ZFHX3: variants seen among roughly 807,000 people sequenced by gnomAD.
The protein encoded by ZFHX3 is zinc finger homeobox 3, also known as zinc finger homeobox protein 3.
In ZFHX3, 42 loss-of-function variants were observed where a neutral mutation model predicts 279.1. The ratio of observed to expected loss-of-function variants is 0.15; its 90% CI spans 0.12 to 0.19. The LOEUF (loss-of-function observed/expected upper bound fraction) is 0.19. ZFHX3 is among the 10% of genes least tolerant of loss of function. The probability of loss-of-function intolerance (pLI) is 1.00; values close to 1 mark genes in which losing one functional copy is unlikely to be tolerated. For synonymous variants in ZFHX3, 2,293 were observed against 1,957.8 expected (o/e 1.17, Z -4.52); for missense variants, 4,981 against 4,754.0 (o/e 1.05, Z -1.40).
intron 2 of ZFHX3, among the ~76,000 whole-genome samples, chr16:73,677,475 A>C (rs2052966426): frequency 6.6e-6 from 1 of 151,908 alleles, no homozygotes; most frequent in African/African-American, 2.4e-5. Flanking sequence ...TGCAACTTTA[A>C]AAGCTAGTAG....
intron 1 of ZFHX3, among the ~76,000 whole-genome samples, chr16:73,691,221 C>T (rs1264452682): frequency 6.6e-6 from 1 of 152,154 alleles, no homozygotes; most frequent in Admixed American, 6.5e-5. Flanking sequence ...TTATTTTCTA[C>T]CATTTTCTAG....
intron 5 of ZFHX3, among the ~76,000 whole-genome samples, chr16:73,159,098 G>T (rs1353107106): frequency 6.6e-6 from 1 of 152,148 alleles, no homozygotes; most frequent in Non-Finnish European, 1.5e-5. Flanking sequence ...TTGAACTAAA[G>T]AGCATCTGCA....
intron 8 of ZFHX3, among the ~76,000 whole-genome samples, chr16:73,089,881 G>A (rs181857099): frequency 7.2e-5 from 11 of 152,204 alleles, no homozygotes; most frequent in Non-Finnish European, 1.5e-4. Context: ...AACCGAAGCT[G>A]TGCTTGCTTT....
chr16:73,509,783 C>T (rs1192272300), intron 2 of ZFHX3, among the ~76,000 whole-genome samples: 1 of 148,452 alleles, frequency 6.7e-6, no homozygotes, highest in African/African-American at 2.6e-5. Flanking sequence ...GCAACCTCCA[C>T]CCCCGGGGTT....
At chr16:73,034,774 TCA>T (rs1309982005) in intron 1 of ZFHX3, among the ~76,000 whole-genome samples, 1 of 152,212 alleles carries the variant, frequency 6.6e-6, no homozygotes, top group Admixed American at 6.5e-5. Context: ...GGGAAGGTTT[TCA>T]CAGTCAGGTG....
At position 73,375,010 on chromosome 16, in the gene ZFHX3, G is replaced by A. The variant is rs550479037; in HGVS notation, c.-1290-56674C>T. On this transcript the variant is annotated intron_variant, in intron 3 of 17. Transcript: ENST00000641206. Reference sequence around the variant, plus strand: ...TTATTTATAATAATTGCTTACATCCGTTAATTCTTTAAGGTTCACAAAATG... The same window carrying A: ...TTATTTATAATAATTGCTTACATCCATTAATTCTTTAAGGTTCACAAAATG... 4.3e-4 allele frequency among the ~76,000 whole-genome samples: 65 copies of A among 152,232 alleles called. 1 individual carries two copies. The highest frequency in any genetic ancestry group is 5.2e-4 in the Admixed American group (8 of 15,290).
chr16:73,485,181 C>G (rs8051981), intron 2 of ZFHX3, among the ~76,000 whole-genome samples: 1 of 151,610 alleles, frequency 6.6e-6, no homozygotes, highest in Non-Finnish European at 1.5e-5. Context: ...TAAGAGGAAA[C>G]GGCAACTTGC....
intron 2 of ZFHX3, chr16:73,558,159 T>C (rs531693997): frequency 5.3e-5 from 8 of 152,326 alleles, no homozygotes; most frequent in African/African-American, 1.9e-4. Flanking sequence ...AGTGAAATAA[T>C]AGAGTGCAAA....
At chr16:73,408,414 G>A (rs1382522085) in intron 3 of ZFHX3, among the ~76,000 whole-genome samples, 1 of 152,138 alleles carries the variant, frequency 6.6e-6, no homozygotes, top group Non-Finnish European at 1.5e-5. Flanking sequence ...GCCAATAACT[G>A]TAACCAGCAG....
At chr16:73,067,833 T>A (rs1965774138) in intron 8 of ZFHX3, among the ~76,000 whole-genome samples, 1 of 151,792 alleles carries the variant, frequency 6.6e-6, no homozygotes, top group Non-Finnish European at 1.5e-5. Flanking sequence ...GTGGAAAGCT[T>A]CCCCCAAAGG....
intron 2 of ZFHX3, among the ~76,000 whole-genome samples, chr16:73,652,594 T>G (rs1441176902): frequency 6.6e-6 from 1 of 152,156 alleles, no homozygotes; most frequent in Admixed American, 6.5e-5. Flanking sequence ...TTAGTGACAA[T>G]TCTTGGAAAG....
intron 3 of ZFHX3, among the ~76,000 whole-genome samples, chr16:73,337,889 T>TGG (rs1555510877): frequency 6.5e-5 from 2 of 30,676 alleles, no homozygotes; most frequent in Non-Finnish European, 1.8e-4. Context: ...CATCTTCCCT[T>TGG]GGCGGGGGGG....
chr16:73,262,351 G>A (rs1458636792), intron 4 of ZFHX3, among the ~76,000 whole-genome samples: 1 of 152,192 alleles, frequency 6.6e-6, no homozygotes, highest in Non-Finnish European at 1.5e-5. Context: ...CATAAGAATT[G>A]TGATACTCCA....
chr16:73,330,128 A>G (rs2015772028), intron 3 of ZFHX3, among the ~76,000 whole-genome samples: 2 of 152,100 alleles, frequency 1.3e-5, no homozygotes, highest in Admixed American at 1.3e-4. Flanking sequence ...AGGCGCTCCA[A>G]CAGCAGAAGG....
At chr16:73,277,498 C>G (rs2143048513) in intron 4 of ZFHX3, among the ~76,000 whole-genome samples, 1 of 152,232 alleles carries the variant, frequency 6.6e-6, no homozygotes, top group South Asian at 2.1e-4. Flanking sequence ...TCAGGGGCTA[C>G]CATTTATAGA....
intron 5 of ZFHX3, among the ~76,000 whole-genome samples, chr16:73,144,736 C>A (rs1488033691): frequency 6.6e-6 from 1 of 152,172 alleles, no homozygotes; most frequent in African/African-American, 2.4e-5. Flanking sequence ...CTACCCGCCC[C>A]TCCCCGCAAA....
chr16:73,218,995 A>G (rs2012310249), intron 5 of ZFHX3, among the ~76,000 whole-genome samples: 1 of 152,140 alleles, frequency 6.6e-6, no homozygotes, highest in Non-Finnish European at 1.5e-5. Flanking sequence ...CAACTCTCTG[A>G]ATCTATGGAT....
intron 4 of ZFHX3, among the ~76,000 whole-genome samples, chr16:73,311,790 A>G (rs1254589595): frequency 6.6e-6 from 1 of 152,170 alleles, no homozygotes; most frequent in African/African-American, 2.4e-5. Flanking sequence ...ACTTAACAAG[A>G]CGAAATATAA....
At chr16:73,229,762 T>A (rs552031192) in intron 5 of ZFHX3, among the ~76,000 whole-genome samples, 1 of 152,344 alleles carries the variant, frequency 6.6e-6, no homozygotes, top group Admixed American at 6.5e-5. Flanking sequence ...TTCTAGTGAC[T>A]TTAGTTCATA....
Sources: gnomAD v4.1 joint callset for allele counts (sites outside exome capture counted in the v4.1 genomes callset) on GRCh38, gnomAD v4.1.1 for gene constraint, MANE v1.5 for transcripts, NCBI Gene and HGNC (gene_info 2026-07-23, HGNC 2026-07-21) for gene names.